CEP350: variants seen among roughly 807,000 people sequenced by gnomAD.
CEP350 encodes the protein centrosomal protein 350.
A neutral mutation model predicts 331.8 loss-of-function variants in CEP350; 126 were observed. The ratio of observed to expected loss-of-function variants is 0.38; its 90% confidence interval spans 0.33 to 0.44. The LOEUF (loss-of-function observed/expected upper bound fraction) is 0.44, where lower values mean the gene tolerates loss of function less well. CEP350 is among the 20% of genes least tolerant of loss of function. The pLI, the probability that CEP350 is intolerant of heterozygous loss-of-function variation, is 1.00. For synonymous variants in CEP350, 1,200 were observed against 1,259.5 expected (o/e 0.95, Z 1.00); for missense variants, 3,406 against 3,634.6 (o/e 0.94, Z 1.62).
Position 180,020,717 on chromosome 1 carries a change from A to G in CEP350, c.2943A>G (p.Ser981=). 6.2e-7 allele frequency: 1 copy of G among 1,614,050 alleles called. No individual in the cohort carries two copies. Among genetic ancestry groups the G allele is most frequent in the Non-Finnish European group, 8.5e-7 (1 of 1,179,892 alleles). ...AKISLGSSID[S]VSEGPLLSEG... Reference sequence around the variant, plus strand: ...TATCTCTTGGTTCCAGCATAGATTCAGTCAGTGAAGGGCCTCTTCTTAGTG... The same window carrying G: ...TATCTCTTGGTTCCAGCATAGATTCGGTCAGTGAAGGGCCTCTTCTTAGTG... The change falls in exon 12 of 38, where the codon TCA becomes TCG. Residue 981 remains serine, a synonymous_variant. Transcript: ENST00000367607.
In CEP350 at chr1:179,991,707, G is replaced by GTGTGTGTGTGTATA. The variant is rs1385981536; in HGVS notation, c.236-354_236-353insGTGTGTGTGTATAT. On this transcript the variant is annotated intron_variant, in intron 4 of 37. Transcript: ENST00000367607. ...TGTGTGTGTGTGTGTGTGTGTGTGT[G>GTGTGTGTGTGTATA]TATATATATATATATATACATTTTT... Among the ~76,000 whole-genome samples, 98 of 96,968 alleles carry GTGTGTGTGTGTATA rather than the reference G, an allele frequency of 1.0e-3. 1 individual carries two copies. The highest frequency in any genetic ancestry group is 4.3e-3 in the East Asian group (13 of 3,034). The allele number at this position is 96,968 out of a possible 152,430, so 63.6% of individuals were successfully genotyped here. A position where few individuals can be genotyped will look rare whatever the true frequency, so the allele number is the denominator to read the frequency against.
In CEP350 at chr1:180,092,628, G is replaced by A; in HGVS notation, c.6523G>A (p.Gly2175Ser). 6.3e-7 allele frequency: 1 copy of A among 1,581,580 alleles called. No individual in the cohort carries two copies. Among genetic ancestry groups the A allele is most frequent in the South Asian group, 1.2e-5 (1 of 85,782 alleles). Reference protein sequence around the residue: ...IAEHVDASLSGSERSVSERSL... With the variant: ...IAEHVDASLSSSERSVSERSL... The stretch of plus-strand genomic sequence containing the variant: ...TTTTCTTTAAGATGCTTCACTGTCT[G>A]GTTCTGAGAGATCAGTATCAGAAAG... The change falls in exon 34 of 38, where the codon GGT becomes AGT. Residue 2175 changes from glycine to serine, a missense_variant. Around this residue, in one of 5 missense-constraint regions of CEP350, gnomAD observed 1,415 missense variants for 1,512.3 expected, o/e 0.94. Transcript: ENST00000367607.
chr1:179,976,844 G>T (rs1651907812), intron 1 of CEP350, among the ~76,000 whole-genome samples: 1 of 152,008 alleles, frequency 6.6e-6, no homozygotes, highest in South Asian at 2.1e-4. Flanking sequence ...CCCCCGTAAG[G>T]AAACTCAAAT....
At position 180,015,648 on chromosome 1, in the gene CEP350, G is replaced by A. The variant is rs573063359; in HGVS notation, c.2053-201G>A. ...GACCTCTCAAAGTGCCTGGCTCTCC[G>A]TTGGATTTTAGATGGTGTTTTGCTA... On this transcript the variant is annotated intron_variant, in intron 10 of 37. Transcript: ENST00000367607. Among the ~76,000 whole-genome samples, 13 of 152,166 alleles carry A rather than the reference G, an allele frequency of 8.5e-5. No homozygotes were observed. The East Asian group carries it at 2.5e-3, about 29-fold the overall frequency.
At chr1:180,039,654 T>C (rs1313811897) in intron 17 of CEP350, among the ~76,000 whole-genome samples, 1 of 152,210 alleles carries the variant, frequency 6.6e-6, no homozygotes, top group Non-Finnish European at 1.5e-5. Flanking sequence ...ATATTGTCTT[T>C]ATTACTATGG....
intron 14 of CEP350, 128 bp from the exon 15 acceptor site, chr1:180,031,192 T>C (rs1224698719): frequency 3.9e-6 from 2 of 513,014 alleles, no homozygotes; most frequent in Non-Finnish European, 6.8e-6. Context: ...ATTTTGAATA[T>C]AGTATAAGTC....
intron 8 of CEP350, among the ~76,000 whole-genome samples, chr1:180,008,206 G>A (rs1457655619): frequency 2.0e-5 from 3 of 152,142 alleles, no homozygotes; most frequent in Admixed American, 2.0e-4. Context: ...AGTCTGAATA[G>A]ATCAAGAATG....
intron 12 of CEP350, among the ~76,000 whole-genome samples, chr1:180,022,269 A>T (rs1364354166): frequency 2.7e-5 from 4 of 150,276 alleles, no homozygotes; most frequent in Non-Finnish European, 5.9e-5. Flanking sequence ...TTTAATAAGA[A>T]AATTGTTTCT....
intron 1 of CEP350, among the ~76,000 whole-genome samples, chr1:179,967,386 A>G (rs183931509): frequency 2.6e-5 from 4 of 152,248 alleles, no homozygotes; most frequent in African/African-American, 7.2e-5. Flanking sequence ...AGTAATAGTA[A>G]TAGCACTGGC....
rs1571857331 is a variant in CEP350, at chr1:180,007,141, A to G, written c.1246+574A>G. The stretch of plus-strand genomic sequence containing the variant: ...TATATACCCAATAATGGGATTCCTG[A>G]GTCAAATGGTATTTCTGGTTCTAGA... On this transcript the variant is annotated intron_variant, in intron 8 of 37. Transcript: ENST00000367607. 1.3e-5 allele frequency among the ~76,000 whole-genome samples: 2 copies of G among 152,250 alleles called. 1 individual carries two copies. Among genetic ancestry groups the G allele is most frequent in the South Asian group, 4.1e-4 (2 of 4,828 alleles).
chr1:180,034,036 C>T lies in CEP350; in HGVS notation c.3900C>T (p.Asn1300=), dbSNP rs374288335. 1.9e-6 allele frequency: 3 copies of T among 1,613,834 alleles called. No homozygotes were observed. Among genetic ancestry groups the T allele is most frequent in the Admixed American group, 1.7e-5 (1 of 59,984 alleles). The stretch of plus-strand genomic sequence containing the variant: ...CTAATGCACCTCTCACTGATCTGAA[C>T]CCGGCAGCCAGCAGAACAACGACAG... The part of the protein sequence containing the change: ...FKPNAPLTDL[N]PAASRTTTEN... Residue 1300 remains asparagine, a synonymous_variant, in exon 16 of 38, where the codon AAC becomes AAT. Coordinates refer to ENST00000367607, the MANE Select transcript of CEP350 (RefSeq NM_014810.5).
intron 11 of CEP350, among the ~76,000 whole-genome samples, chr1:180,019,227 G>A (rs1655166112): frequency 6.6e-6 from 1 of 152,134 alleles, no homozygotes. Flanking sequence ...TTAATATAGA[G>A]GAAGTCTATG....
At chr1:180,014,965 T>C (rs1303140436) in intron 10 of CEP350, among the ~76,000 whole-genome samples, 1 of 152,210 alleles carries the variant, frequency 6.6e-6, no homozygotes, top group Non-Finnish European at 1.5e-5. Flanking sequence ...TTATACACTG[T>C]ATTCTTGCAA....
Position 179,954,843 on chromosome 1 carries a change from C to A in CEP350, c.-313C>A. ...GGCTGTAATGGCGACTGGGCCGCCCCTGACGAAGTGACTCCCGGGCCGGGG... is the reference window on the plus strand; with the variant it reads ...GGCTGTAATGGCGACTGGGCCGCCCATGACGAAGTGACTCCCGGGCCGGGG... On this transcript the variant is annotated 5_prime_UTR_variant, in exon 1 of 38. It adds an upstream start codon to the 5' untranslated region. Transcript: ENST00000367607. 2.3e-6 allele frequency: 1 copy of A among 434,988 alleles called. No individual in the cohort carries two copies. The highest frequency in any genetic ancestry group is 4.0e-6 in the Non-Finnish European group (1 of 247,798). 26.9% of individuals were successfully genotyped at this position (434,988 alleles called of 1,614,324 possible).
At chr1:179,975,476 A>G (rs1651789406) in intron 1 of CEP350, among the ~76,000 whole-genome samples, 1 of 152,200 alleles carries the variant, frequency 6.6e-6, no homozygotes, top group African/African-American at 2.4e-5. Context: ...TAAGCTAAAG[A>G]TGATGCTTTG....
At chr1:180,067,688 T>G (rs1180560878) in intron 27 of CEP350, among the ~76,000 whole-genome samples, 1 of 151,112 alleles carries the variant, frequency 6.6e-6, no homozygotes, top group Admixed American at 6.6e-5. Flanking sequence ...AAACTTAGTC[T>G]CAAAAAAAAA....
intron 12 of CEP350, among the ~76,000 whole-genome samples, chr1:180,021,425 G>A (rs983630610): frequency 6.6e-6 from 1 of 152,092 alleles, no homozygotes; most frequent in Non-Finnish European, 1.5e-5. Flanking sequence ...AGTCCAAGGC[G>A]GGCGGATCAC....
chr1:180,062,416 G>T, intron 26 of CEP350, 50 bp downstream of exon 26: 1 of 1,515,778 alleles, frequency 6.6e-7, no homozygotes, highest in South Asian at 1.3e-5. Context: ...TTGATTGTCG[G>T]TATCTAACCC....
At chr1:180,058,129 A>G (rs1657972472) in intron 25 of CEP350, among the ~76,000 whole-genome samples, 1 of 152,194 alleles carries the variant, frequency 6.6e-6, no homozygotes, top group African/African-American at 2.4e-5. Flanking sequence ...ATATATCCTA[A>G]AAAAGCTTTC....
Sources: allele counts gnomAD v4.1 joint callset (sites outside exome capture counted in the v4.1 genomes callset), GRCh38; gene constraint gnomAD v4.1.1; regional missense constraint gnomAD v4.1.1; transcripts MANE v1.5; gene names NCBI Gene and HGNC (gene_info 2026-07-23, HGNC 2026-07-21).